The following SNX7 variants were observed in gnomAD, a reference collection of about 807,000 sequenced individuals.
SNX7 encodes the protein sorting nexin-7.
Under a neutral mutation model 48.4 loss-of-function variants are expected in SNX7, and 35 were observed. That is an observed-to-expected ratio of 0.72 (90% confidence interval 0.55 to 0.96). The LOEUF (loss-of-function observed/expected upper bound fraction) is 0.96, where lower values mean the gene tolerates loss of function less well. SNX7 is among the 40% of genes least tolerant of loss of function. SNX7 has a pLI of 0.00. For synonymous variants in SNX7, 190 were observed against 190.2 expected, an observed-to-expected ratio of 1.00 and a Z score of 0.01; for missense variants, 553 against 548.9, an observed-to-expected ratio of 1.01 and a Z score of -0.07.
intron 8 of SNX7, among the ~76,000 whole-genome samples, chr1:98,749,701 T>C (rs139163852): frequency 2.6e-5 from 4 of 152,254 alleles, no homozygotes; most frequent in African/African-American, 7.2e-5. Flanking sequence ...TTTTAATTAG[T>C]GTTTCAATTT....
intron 8 of SNX7, among the ~76,000 whole-genome samples, chr1:98,750,516 A>C (rs1654530223): frequency 6.6e-6 from 1 of 152,152 alleles, no homozygotes. Flanking sequence ...GAAAAGTCTT[A>C]GAAGCAAAGT....
chr1:98,678,285 T>A (rs1356714823), intron 1 of SNX7, among the ~76,000 whole-genome samples: 2 of 152,164 alleles, frequency 1.3e-5, no homozygotes, highest in East Asian at 3.9e-4. Flanking sequence ...ACTCATAGAC[T>A]GAGAACTTAC....
intron 7 of SNX7, among the ~76,000 whole-genome samples, chr1:98,717,882 CCTT>C: frequency 6.6e-6 from 1 of 152,056 alleles, no homozygotes; most frequent in East Asian, 1.9e-4. Context: ...GCTTCTGAGA[CCTT>C]CTTATTTAGA....
In SNX7 at chr1:98,731,151, C is replaced by CTTT. The variant is rs368167768; in HGVS notation, c.1126-7075_1126-7073dup. Among the ~76,000 whole-genome samples the CTTT allele has an allele frequency of 2.9e-3, 419 of 143,692 alleles. 2 individuals are homozygous for CTTT. Among genetic ancestry groups the CTTT allele is most frequent in the Middle Eastern group, 7.2e-3 (2 of 278 alleles). The allele number at this position is 143,692 out of a possible 152,430, so 94.3% of individuals were successfully genotyped here. A position where few individuals can be genotyped will look rare whatever the true frequency, so the allele number is the denominator to read the frequency against. On this transcript the variant is annotated intron_variant, in intron 7 of 8. Transcript: ENST00000306121. ...AAAACAATTCAGAATGTATTCCTGC[C>CTTT]TTTTTTTTTTTTTAGAATGAACAAA...
intron 6 of SNX7, among the ~76,000 whole-genome samples, chr1:98,700,487 A>T (rs1233670468): frequency 6.6e-6 from 1 of 152,076 alleles, no homozygotes; most frequent in East Asian, 1.9e-4. Flanking sequence ...GGAATTTGAG[A>T]TATCAGTTGA....
At chr1:98,666,639 A>G (rs1441657472) in intron 1 of SNX7, among the ~76,000 whole-genome samples, 3 of 152,110 alleles carry the variant, frequency 2.0e-5, no homozygotes, top group Admixed American at 2.0e-4. Flanking sequence ...CTCATTGTAT[A>G]TGCTCTTCTA....
chr1:98,687,060 A>G (rs1035644875), intron 2 of SNX7, among the ~76,000 whole-genome samples: 6 of 152,178 alleles, frequency 3.9e-5, no homozygotes, highest in African/African-American at 1.4e-4. Flanking sequence ...ATGAAAATAT[A>G]TAAACTAGCA....
At chr1:98,701,672 A>C (rs996918700) in intron 6 of SNX7, 145 bp from the exon 7 acceptor site, 6 of 474,216 alleles carry the variant, frequency 1.3e-5, no homozygotes, top group South Asian at 4.9e-5. Context: ...AAAAAAAAAA[A>C]CAACTTTTTA....
intron 8 of SNX7, among the ~76,000 whole-genome samples, chr1:98,742,166 G>T (rs1439546975): frequency 6.6e-6 from 1 of 152,136 alleles, no homozygotes; most frequent in African/African-American, 2.4e-5. Flanking sequence ...TAATGTCTTT[G>T]CTTTCTTTGT....
chr1:98,720,779 A>G (rs35825171), intron 7 of SNX7, among the ~76,000 whole-genome samples: 84,159 of 151,928 alleles, frequency 0.55, 24,319 homozygotes, highest in Non-Finnish European at 0.64. Context: ...ATTTGGCTGG[A>G]TTTGTTTTAC....
chr1:98,664,772 A>G (rs1209987438), intron 1 of SNX7, among the ~76,000 whole-genome samples: 2 of 152,214 alleles, frequency 1.3e-5, no homozygotes, highest in Non-Finnish European at 2.9e-5. Context: ...TGAGAAGAAA[A>G]TGATGCCAGA....
chr1:98,742,699 A>G (rs890330376), intron 8 of SNX7, among the ~76,000 whole-genome samples: 2 of 152,114 alleles, frequency 1.3e-5, no homozygotes, highest in African/African-American at 4.8e-5. Flanking sequence ...TATGATGAGG[A>G]TAAAGAATAC....
chr1:98,760,081 A>G lies in SNX7; in HGVS notation c.1306A>G (p.Thr436Ala). The G allele has an allele frequency of 1.2e-6, 2 of 1,608,848 alleles. No individual in the cohort carries two copies. The highest frequency in any genetic ancestry group is 1.7e-6 in the Non-Finnish European group (2 of 1,175,632). The stretch of plus-strand genomic sequence containing the variant: ...CCTTGCTACGTGGGAGTCATTCCTT[A>G]CATCACAGACCAACCTTCACTTGGA... ...QCLATWESFL[T>A]SQTNLHLEEA... is the part of the protein sequence containing the mutation. Residue 436 changes from threonine (T) to alanine (A), a missense_variant, in exon 9 of 9, where the codon ACA becomes GCA. By Grantham distance (58) the Thr-to-Ala change is moderately conservative (BLOSUM62 0). Transcript: ENST00000306121.
intron 1 of SNX7, among the ~76,000 whole-genome samples, chr1:98,671,604 A>T (rs1436610281): frequency 2.0e-5 from 3 of 152,102 alleles, no homozygotes; most frequent in Non-Finnish European, 4.4e-5. Flanking sequence ...TAAGATAATT[A>T]ACCAGATTGT....
intron 2 of SNX7, among the ~76,000 whole-genome samples, chr1:98,689,439 G>A (rs1196684367): frequency 6.6e-6 from 1 of 152,092 alleles, no homozygotes; most frequent in Non-Finnish European, 1.5e-5. Context: ...CTACATTAGA[G>A]AATTCTTTTG....
intron 8 of SNX7, among the ~76,000 whole-genome samples, chr1:98,745,333 G>T (rs1217109342): frequency 1.3e-5 from 2 of 151,910 alleles, no homozygotes; most frequent in Non-Finnish European, 2.9e-5. Context: ...ATGAAACAAA[G>T]AAGTTGACTA....
chr1:98,723,196 G>A (rs1652976955), intron 7 of SNX7, among the ~76,000 whole-genome samples: 1 of 152,120 alleles, frequency 6.6e-6, no homozygotes, highest in South Asian at 2.1e-4. Context: ...CAACAACCCT[G>A]CTTTGTACAT....
At chr1:98,682,122 CT>C (rs1399033658) in intron 1 of SNX7, among the ~76,000 whole-genome samples, 2 of 148,240 alleles carry the variant, frequency 1.3e-5, no homozygotes. Flanking sequence ...AATTCCCTTT[CT>C]TCCTTGTTTT....
chr1:98,681,456 A>G (rs1650486475), intron 1 of SNX7, among the ~76,000 whole-genome samples: 2 of 152,236 alleles, frequency 1.3e-5, no homozygotes, highest in Admixed American at 1.3e-4. Context: ...CAGTAGAAGA[A>G]TGAAAATGTA....
Sources: allele counts gnomAD v4.1 joint callset (sites outside exome capture counted in the v4.1 genomes callset), GRCh38; gene constraint gnomAD v4.1.1; transcripts MANE v1.5; gene names NCBI Gene and HGNC (gene_info 2026-07-23, HGNC 2026-07-21).